Variants in LRRC4C observed in about 807,000 individuals in gnomAD.
LRRC4C encodes the protein leucine-rich repeat-containing protein 4C.
A neutral mutation model predicts 33.6 loss-of-function variants in LRRC4C; 5 were observed. The observed-to-expected ratio is 0.15, with a 90% confidence interval of 0.08 to 0.31. The LOEUF (loss-of-function observed/expected upper bound fraction) is 0.31. Ranked by LOEUF, LRRC4C falls within the 10% of genes least tolerant of loss-of-function variation. LRRC4C has a pLI of 1.00. For synonymous variants in LRRC4C, 329 were observed against 302.0 expected (o/e 1.09, Z -0.93); for missense variants, 560 against 796.7 (o/e 0.70, Z 3.58).
chr11:40,203,237 C>T (rs1262554948), intron 5 of LRRC4C, among the ~76,000 whole-genome samples: 13 of 151,998 alleles, frequency 8.6e-5, no homozygotes, highest in Admixed American at 7.9e-4. Flanking sequence ...ATGGATAGGC[C>T]GTGAGTTTAG....
chr11:40,941,660 C>T (rs771715754), intron 1 of LRRC4C, among the ~76,000 whole-genome samples: 1 of 152,066 alleles, frequency 6.6e-6, no homozygotes, highest in African/African-American at 2.4e-5. Context: ...GAGAAGTAAA[C>T]ACATAGTTTT....
chr11:40,430,813 T>A (rs1338826545), intron 3 of LRRC4C, among the ~76,000 whole-genome samples: 1 of 151,322 alleles, frequency 6.6e-6, no homozygotes, highest in Middle Eastern at 3.2e-3. Context: ...TGGATGAAAT[T>A]GGAAATCATC....
At chr11:40,201,089 A>C (rs115321954) in intron 5 of LRRC4C, among the ~76,000 whole-genome samples, 2,129 of 152,292 alleles carry the variant, frequency 0.014, 46 homozygotes, top group African/African-American at 0.045. Flanking sequence ...AGAGAAAAAG[A>C]GAGAGAGAAT....
chr11:40,138,466 G>A (rs1276746511), intron 6 of LRRC4C, among the ~76,000 whole-genome samples: 2 of 152,198 alleles, frequency 1.3e-5, no homozygotes, highest in Non-Finnish European at 2.9e-5. Context: ...TGTACTAGCT[G>A]TAGTATCACA....
intron 4 of LRRC4C, among the ~76,000 whole-genome samples, chr11:40,289,312 C>T (rs1944042319): frequency 6.6e-6 from 1 of 152,142 alleles, no homozygotes. Flanking sequence ...CTTTGCATAA[C>T]ACTCCTTTTA....
At chr11:40,132,009 G>A (rs561711265) in intron 6 of LRRC4C, among the ~76,000 whole-genome samples, 55 of 152,008 alleles carry the variant, frequency 3.6e-4, no homozygotes, top group African/African-American at 1.2e-3. Flanking sequence ...GAAAGTATAC[G>A]CCAATTTTTG....
intron 2 of LRRC4C, among the ~76,000 whole-genome samples, chr11:40,723,612 C>A (rs768337553): frequency 6.6e-6 from 1 of 152,084 alleles, no homozygotes; most frequent in African/African-American, 2.4e-5. Context: ...TAAGGGATTT[C>A]TGACTATGGA....
At chr11:40,657,741 C>T (rs976517034) in intron 2 of LRRC4C, among the ~76,000 whole-genome samples, 1 of 152,180 alleles carries the variant, frequency 6.6e-6, no homozygotes, top group Non-Finnish European at 1.5e-5. Context: ...TGTGCCCCGA[C>T]CACCTTGGGC....
intron 3 of LRRC4C, among the ~76,000 whole-genome samples, chr11:40,601,770 C>G (rs1250333788): frequency 3.3e-5 from 5 of 152,060 alleles, no homozygotes; most frequent in Non-Finnish European, 7.4e-5. Context: ...TTTTCATGAT[C>G]AAAGTATATA....
rs138052793 is a variant in LRRC4C at position 41,101,537 on chromosome 11, A to G, written c.-495-167814T>C. Among the ~76,000 whole-genome samples the G allele has an allele frequency of 8.9e-3, 1,352 of 152,326 alleles. 19 individuals carry two copies. Among genetic ancestry groups the G allele is most frequent in the African/African-American group, 0.03 (1,241 of 41,568 alleles). On this transcript the variant is annotated intron_variant, in intron 1 of 6. Transcript: ENST00000528697. ...GTTGCAGAGAAAAGGGAATGCTTAT[A>G]CACTGTTGGTGGGAGTGCAAATTTG... is the stretch of plus-strand genomic sequence containing the variant.
intron 2 of LRRC4C, among the ~76,000 whole-genome samples, chr11:40,829,586 G>A (rs181088863): frequency 4.6e-4 from 70 of 152,052 alleles, no homozygotes; most frequent in African/African-American, 1.3e-3. Flanking sequence ...CAAATTTAAA[G>A]GCTATTCATT....
chr11:40,515,895 A>G (rs1236587027), intron 3 of LRRC4C, among the ~76,000 whole-genome samples: 3 of 152,036 alleles, frequency 2.0e-5, no homozygotes, highest in Admixed American at 1.3e-4. Flanking sequence ...AAATTTATGT[A>G]GCTTTGTTCA....
intron 1 of LRRC4C, among the ~76,000 whole-genome samples, chr11:41,159,454 T>C (rs1042612255): frequency 6.6e-6 from 1 of 151,994 alleles, no homozygotes; most frequent in Admixed American, 6.6e-5. Context: ...GGTATAGAGA[T>C]GAAGAATTGA....
At chr11:40,984,437 G>GAAAGAGAA (rs1278238779) in intron 1 of LRRC4C, among the ~76,000 whole-genome samples, 20 of 149,482 alleles carry the variant, frequency 1.3e-4, no homozygotes, top group African/African-American at 4.3e-4. Flanking sequence ...AAGAGAAAAA[G>GAAAGAGAA]AAAGAAAGAA....
chr11:41,448,846 C>A (rs1276935494), intron 1 of LRRC4C, among the ~76,000 whole-genome samples: 1 of 152,032 alleles, frequency 6.6e-6, no homozygotes, highest in Non-Finnish European at 1.5e-5. Flanking sequence ...GAGAAAAGAT[C>A]AAATATTTTT....
At chr11:40,465,218 C>A (rs1952593726) in intron 3 of LRRC4C, among the ~76,000 whole-genome samples, 1 of 151,902 alleles carries the variant, frequency 6.6e-6, no homozygotes, top group South Asian at 2.1e-4. Flanking sequence ...GAAAGAAAAC[C>A]CCGTTCAATA....
At chr11:40,529,425 G>A (rs1050920631) in intron 3 of LRRC4C, among the ~76,000 whole-genome samples, 2 of 152,072 alleles carry the variant, frequency 1.3e-5, no homozygotes, top group African/African-American at 4.8e-5. Flanking sequence ...AGAGTATGAT[G>A]AGCAAGTAAA....
rs879905980 is a variant in LRRC4C, at chr11:40,612,232, C to A, written c.-270+35910G>T. On this transcript the variant is annotated intron_variant, in intron 3 of 6. Transcript: ENST00000528697. ...CTTAAAAAGAAGAAAATCTTATCAG[C>A]TGCTACTACATTGATGAACCTTGAA... Among the ~76,000 whole-genome samples the A allele has an allele frequency of 1.7e-3, 251 of 151,944 alleles. 1 individual carries two copies. The highest frequency in any genetic ancestry group is 2.6e-3 in the Non-Finnish European group (174 of 67,838).
intron 2 of LRRC4C, among the ~76,000 whole-genome samples, chr11:40,678,998 T>A (rs978014139): frequency 1.3e-5 from 2 of 152,128 alleles, no homozygotes; most frequent in African/African-American, 4.8e-5. Context: ...CCTACACACT[T>A]GTTGAATGGC....
Sources: gnomAD v4.1 joint callset for allele counts (sites outside exome capture counted in the v4.1 genomes callset) on GRCh38, gnomAD v4.1.1 for gene constraint, MANE v1.5 for transcripts, NCBI Gene and HGNC (gene_info 2026-07-23, HGNC 2026-07-21) for gene names.